MED12L: variants seen among roughly 807,000 people sequenced by gnomAD.
MED12L encodes the protein mediator of RNA polymerase II transcription subunit 12-like protein.
Under a neutral mutation model 281.3 loss-of-function variants are expected in MED12L, and 60 were observed. The observed-to-expected ratio is 0.21, with a 90% CI of 0.17 to 0.26. The LOEUF (loss-of-function observed/expected upper bound fraction) is 0.26, where lower values mean the gene tolerates loss of function less well. MED12L is among the 10% of genes least tolerant of loss of function. The pLI, the probability that MED12L is intolerant of heterozygous loss-of-function variation, is 1.00. For missense variants in MED12L, 2,146 were observed against 2,680.9 expected (o/e 0.80, Z 4.41); for synonymous variants, 974 against 987.2 (o/e 0.99, Z 0.25).
chr3:151,344,290 A>G (rs1474076377), intron 16 of MED12L, among the ~76,000 whole-genome samples: 3 of 114,736 alleles, frequency 2.6e-5, no homozygotes, highest in African/African-American at 3.6e-5. Context: ...TACTCTATGT[A>G]TAGTTACTAA....
Position 151,185,311 on chromosome 3 carries a change from C to T in MED12L, c.1495-19C>T. On this transcript the variant is annotated intron_variant, in intron 11 of 44. Coordinates refer to ENST00000687756, the MANE Select transcript of MED12L (RefSeq NM_001393769.1). ...TGTTTCATTTGATGTGGCTGGTACC[C>T]CTCTCTGTTGGTCATTAGGTTGCGC... The T allele has an allele frequency of 2.5e-6, 4 of 1,611,886 alleles. No individual in the cohort carries two copies. Among genetic ancestry groups the T allele is most frequent in the Non-Finnish European group, 3.4e-6 (4 of 1,178,756 alleles).
chr3:151,137,222 G>A (rs970982108), intron 5 of MED12L, among the ~76,000 whole-genome samples: 2 of 151,580 alleles, frequency 1.3e-5, no homozygotes, highest in Admixed American at 6.6e-5. Context: ...CATTGTTATG[G>A]GCTCATGAAG....
chr3:151,343,478 A>G lies in MED12L; in HGVS notation c.2251-6581A>G, dbSNP rs182810846. On this transcript the variant is annotated intron_variant, in intron 16 of 44. Transcript: ENST00000687756. ...AAACCACCTCTGATAACATTTTTTC[A>G]TTGGAGGAAGACTGCCAGTTAGACC... is the stretch of plus-strand genomic sequence containing the variant. Among the ~76,000 whole-genome samples the G allele has an allele frequency of 2.6e-3, 393 of 152,298 alleles. 1 individual carries two copies. The highest frequency in any genetic ancestry group is 8.9e-3 in the African/African-American group (372 of 41,570).
At chr3:151,149,143 T>C (rs1576830575) in intron 5 of MED12L, among the ~76,000 whole-genome samples, 1 of 152,174 alleles carries the variant, frequency 6.6e-6, no homozygotes, top group East Asian at 1.9e-4. Flanking sequence ...AGGTGTTGTC[T>C]ACGTGTAAGG....
At chr3:151,314,195 A>G (rs1425864603) in intron 16 of MED12L, among the ~76,000 whole-genome samples, 1 of 152,254 alleles carries the variant, frequency 6.6e-6, no homozygotes, top group Admixed American at 6.5e-5. Flanking sequence ...GAACTTAATC[A>G]GTGCTCTCGC....
chr3:151,289,903 CAG>C (rs1744022555), intron 16 of MED12L, among the ~76,000 whole-genome samples: 2 of 150,124 alleles, frequency 1.3e-5, no homozygotes, highest in African/African-American at 4.9e-5. Flanking sequence ...TTTTTAAAGA[CAG>C]AGTCTTGCTC....
chr3:151,169,856 T>G (rs1047643532), intron 11 of MED12L, among the ~76,000 whole-genome samples: 2 of 152,122 alleles, frequency 1.3e-5, no homozygotes, highest in African/African-American at 4.8e-5. Context: ...TTGCAATAGG[T>G]TGGAGGTTTG....
At chr3:151,229,892 T>A (rs1410120622) in intron 16 of MED12L, among the ~76,000 whole-genome samples, 1 of 152,194 alleles carries the variant, frequency 6.6e-6, no homozygotes, top group Non-Finnish European at 1.5e-5. Context: ...CTTGAAGATG[T>A]TGTTCAAGTT....
At chr3:151,378,692 T>C (rs1238813757) in intron 31 of MED12L, among the ~76,000 whole-genome samples, 1 of 152,110 alleles carries the variant, frequency 6.6e-6, no homozygotes, top group Non-Finnish European at 1.5e-5. Flanking sequence ...CAAGTAATTA[T>C]ATTTGAAAAC....
chr3:151,198,696 C>T (rs868342156), intron 16 of MED12L: 3 of 1,613,980 alleles, frequency 1.9e-6, no homozygotes, highest in Non-Finnish European at 2.5e-6. Flanking sequence ...ATGATGTAGC[C>T]CGTGGTCACT....
intron 16 of MED12L, among the ~76,000 whole-genome samples, chr3:151,233,385 ATGTT>A (rs1339139948): frequency 6.6e-6 from 1 of 152,224 alleles, no homozygotes; most frequent in Admixed American, 6.5e-5. Context: ...TTTCAATGGA[ATGTT>A]TGATACTTTG....
In MED12L at chr3:151,433,841, C is replaced by G. The variant is rs1452861202; in HGVS notation, c.*1037C>G. Reference sequence around the variant, plus strand: ...TGAATTTAATTATTACTGTCAGTGTCAGTCTTGGTTGTGTATTGCATATAC... The same window carrying G: ...TGAATTTAATTATTACTGTCAGTGTGAGTCTTGGTTGTGTATTGCATATAC... On this transcript the variant is annotated 3_prime_UTR_variant, in exon 45 of 45. Transcript: ENST00000687756. The G allele has an allele frequency of 1.3e-5, 2 of 152,566 alleles. No individual in the cohort carries two copies. Among genetic ancestry groups the G allele is most frequent in the Non-Finnish European group, 2.9e-5 (2 of 68,030 alleles). The allele number at this position is 152,566 out of a possible 1,614,324, so 9.5% of individuals were successfully genotyped here.
intron 17 of MED12L, among the ~76,000 whole-genome samples, chr3:151,352,310 G>C (rs1323436923): frequency 2.0e-5 from 3 of 152,132 alleles, no homozygotes; most frequent in Non-Finnish European, 4.4e-5. Flanking sequence ...TCTCAGAATA[G>C]GGATCCTCAA....
rs780010525 is a variant in MED12L at position 151,365,956 on chromosome 3, G to T, written c.3292G>T (p.Val1098Leu). 3 of 1,612,662 alleles carry T rather than the reference G, an allele frequency of 1.9e-6. No homozygotes were observed. The highest frequency in any genetic ancestry group is 1.3e-5 in the African/African-American group (1 of 74,948). The change falls in exon 23 of 45, where the codon GTG (valine) becomes TTG (leucine). Residue 1098 changes from valine to leucine, a missense_variant. Coordinates refer to ENST00000687756, the MANE Select transcript of MED12L (RefSeq NM_001393769.1). ...LKALCCSSNH[V>L]WGFNDVLCTV... ...GGCTCTTTGTTGTTCTTCAAATCAC[G>T]TGTGGGGGTTTAATGATGTACTTTG...
At chr3:151,165,744 A>T in intron 10 of MED12L, 102 bp from the exon 11 acceptor site, 5 of 1,196,286 alleles carry the variant, frequency 4.2e-6, no homozygotes, top group South Asian at 3.0e-5. Context: ...AATGATAATT[A>T]AAAAAAAATT....
intron 16 of MED12L, among the ~76,000 whole-genome samples, chr3:151,255,010 T>C (rs1737560133): frequency 6.6e-6 from 1 of 152,208 alleles, no homozygotes; most frequent in Non-Finnish European, 1.5e-5. Flanking sequence ...AACTTTATAT[T>C]ATACTTAACA....
At chr3:151,116,946 A>T (rs1712916639) in intron 3 of MED12L, among the ~76,000 whole-genome samples, 1 of 152,136 alleles carries the variant, frequency 6.6e-6, no homozygotes, top group African/African-American at 2.4e-5. Context: ...TCTACCTCTT[A>T]GTAAGGTCTA....
intron 16 of MED12L, among the ~76,000 whole-genome samples, chr3:151,250,806 G>A (rs1736706639): frequency 6.6e-6 from 1 of 152,270 alleles, no homozygotes; most frequent in Middle Eastern, 3.4e-3. Context: ...GCTGGATCAT[G>A]TGGTAATCCT....
At chr3:151,343,682 G>C (rs1201686183) in intron 16 of MED12L, among the ~76,000 whole-genome samples, 2 of 152,276 alleles carry the variant, frequency 1.3e-5, no homozygotes, top group East Asian at 1.9e-4. Flanking sequence ...GCTAACTTTG[G>C]TTGGTTTGGT....
Sources: allele counts gnomAD v4.1 joint callset (sites outside exome capture counted in the v4.1 genomes callset), GRCh38; gene constraint gnomAD v4.1.1; transcripts MANE v1.5; gene names NCBI Gene and HGNC (gene_info 2026-07-23, HGNC 2026-07-21).